Variants in MAGI2 observed in about 807,000 individuals in gnomAD.
MAGI2 encodes membrane associated guanylate kinase, WW and PDZ domain containing 2.
MAGI2 carries 35 observed loss-of-function variants against 133.3 expected under a neutral mutation model. That is an observed-to-expected ratio of 0.26 (90% CI 0.20 to 0.35). The LOEUF (loss-of-function observed/expected upper bound fraction) is 0.35, where lower values mean the gene tolerates loss of function less well. Among genes scored for constraint, MAGI2 ranks in the 10% least tolerant of loss-of-function variants. The probability of loss-of-function intolerance (pLI) is 1.00; values close to 1 mark genes in which losing one functional copy is unlikely to be tolerated. For synonymous variants in MAGI2, 729 were observed against 710.6 expected (o/e 1.03, Z -0.41); for missense variants, 1,636 against 1,863.4 (o/e 0.88, Z 2.25).
intron 1 of MAGI2, among the ~76,000 whole-genome samples, chr7:79,157,665 C>T (rs957126043): frequency 2.6e-5 from 4 of 151,856 alleles, no homozygotes; most frequent in African/African-American, 9.7e-5. Flanking sequence ...ATCTCCTTGC[C>T]AGAGTTTGTA....
intron 1 of MAGI2, among the ~76,000 whole-genome samples, chr7:79,011,724 T>TA (rs757530459): frequency 1.3e-5 from 2 of 152,204 alleles, no homozygotes; most frequent in Non-Finnish European, 2.9e-5. Context: ...ACTACTCTAA[T>TA]GTTCTAATCA....
chr7:78,169,137 AT>A (rs1343351414), intron 14 of MAGI2, among the ~76,000 whole-genome samples: 2 of 152,238 alleles, frequency 1.3e-5, no homozygotes, highest in African/African-American at 4.8e-5. Flanking sequence ...AAGTTTTCCC[AT>A]GTCCCATTAG....
intron 3 of MAGI2, among the ~76,000 whole-genome samples, chr7:78,573,820 C>G (rs1801988611): frequency 6.6e-6 from 1 of 151,936 alleles, no homozygotes; most frequent in Non-Finnish European, 1.5e-5. Context: ...TGCCAAGTAC[C>G]CGGAGCTATT....
intron 2 of MAGI2, among the ~76,000 whole-genome samples, chr7:78,972,713 C>A (rs1048245609): frequency 7.9e-5 from 12 of 151,720 alleles, no homozygotes; most frequent in East Asian, 3.9e-4. Flanking sequence ...TTATAAAAAA[C>A]CAAGTAAAGT....
intron 1 of MAGI2, among the ~76,000 whole-genome samples, chr7:79,093,525 T>C (rs1359069765): frequency 2.0e-5 from 3 of 152,134 alleles, no homozygotes; most frequent in Admixed American, 6.5e-5. Context: ...GTACTTACTT[T>C]AATTAGAAAT....
At chr7:79,020,825 TG>T (rs996096032) in intron 1 of MAGI2, among the ~76,000 whole-genome samples, 1 of 148,352 alleles carries the variant, frequency 6.7e-6, no homozygotes, top group Non-Finnish European at 1.5e-5. Context: ...GCCAAGACAA[TG>T]GGGAAAAATG....
chr7:79,196,674 C>T (rs781464269), intron 1 of MAGI2, among the ~76,000 whole-genome samples: 22 of 151,870 alleles, frequency 1.4e-4, no homozygotes, highest in Non-Finnish European at 2.4e-4. Flanking sequence ...AAAGCTTTTG[C>T]CTTTTCTTTC....
chr7:79,263,112 T>C lies in MAGI2; in HGVS notation c.301+189908A>G, dbSNP rs143743144. ...TTACATTTTATGTAAAATATACTCA[T>C]TGACATAAAAACAACAATAATAACC... is the stretch of plus-strand genomic sequence containing the variant. On this transcript the variant is annotated intron_variant, in intron 1 of 21. Coordinates refer to ENST00000354212, the MANE Select transcript of MAGI2 (RefSeq NM_012301.4). Among the ~76,000 whole-genome samples, 61 of 152,260 alleles carry C rather than the reference T, an allele frequency of 4.0e-4. No individual in the cohort carries two copies. In the East Asian group the frequency reaches 0.011, roughly 28 times the overall value.
intron 1 of MAGI2, among the ~76,000 whole-genome samples, chr7:79,170,467 C>T (rs563239526): frequency 3.3e-5 from 5 of 151,934 alleles, no homozygotes; most frequent in East Asian, 1.9e-4. Context: ...TGTGCCACTG[C>T]GCCCAGCCAA....
intron 2 of MAGI2, among the ~76,000 whole-genome samples, chr7:78,659,039 A>T (rs1812621355): frequency 6.6e-6 from 1 of 152,230 alleles, no homozygotes; most frequent in Admixed American, 6.5e-5. Flanking sequence ...TATTTGTAAT[A>T]ACCCCAAACT....
At chr7:79,171,766 A>ATTT (rs1259287214) in intron 1 of MAGI2, among the ~76,000 whole-genome samples, 3 of 23,268 alleles carry the variant, frequency 1.3e-4, no homozygotes, top group Admixed American at 4.4e-4. Context: ...ATATATATAT[A>ATTT]TATATTTTTT....
In MAGI2 at chr7:79,449,802, C is replaced by A. The variant is rs559872148; in HGVS notation, c.301+3218G>T. ...AAAGCTTAAATTAAAAAGATAATTCCTTGAATTTCATTAAACAGTTTTAAA... is the reference window on the plus strand; with the variant it reads ...AAAGCTTAAATTAAAAAGATAATTCATTGAATTTCATTAAACAGTTTTAAA... On this transcript the variant is annotated intron_variant, in intron 1 of 21. Coordinates refer to ENST00000354212, the MANE Select transcript of MAGI2 (RefSeq NM_012301.4). 7.5e-4 allele frequency among the ~76,000 whole-genome samples: 113 copies of A among 150,230 alleles called. 1 individual carries two copies. Among genetic ancestry groups the A allele is most frequent in the South Asian group, 4.4e-3 (21 of 4,790 alleles).
At chr7:78,069,980 A>C (rs999885273) in intron 21 of MAGI2, among the ~76,000 whole-genome samples, 2 of 151,582 alleles carry the variant, frequency 1.3e-5, no homozygotes, top group Non-Finnish European at 2.9e-5. Flanking sequence ...TTTGGGAAAA[A>C]TACCTCTTTA....
intron 3 of MAGI2, among the ~76,000 whole-genome samples, chr7:78,609,005 A>G (rs1806135813): frequency 6.6e-6 from 1 of 152,196 alleles, no homozygotes; most frequent in Admixed American, 6.5e-5. Flanking sequence ...AAACTGAAGA[A>G]CTTGGAGTCC....
chr7:78,213,909 C>T (rs1466419001), intron 10 of MAGI2, among the ~76,000 whole-genome samples: 1 of 152,188 alleles, frequency 6.6e-6, no homozygotes, highest in African/African-American at 2.4e-5. Context: ...GCATACTACT[C>T]CCCCAACCTC....
At chr7:79,170,213 A>G (rs1457640388) in intron 1 of MAGI2, among the ~76,000 whole-genome samples, 1 of 119,766 alleles carries the variant, frequency 8.3e-6, no homozygotes, top group African/African-American at 3.2e-5. Context: ...TAGTGGCATG[A>G]TCATAGCTCA....
chr7:78,293,994 G>A (rs1030173517), intron 9 of MAGI2, among the ~76,000 whole-genome samples: 1 of 151,972 alleles, frequency 6.6e-6, no homozygotes, highest in Admixed American at 6.6e-5. Context: ...GAGTTAATAG[G>A]TCCAGCACAC....
chr7:78,173,976 A>G (rs1421764842), intron 14 of MAGI2, among the ~76,000 whole-genome samples: 1 of 152,186 alleles, frequency 6.6e-6, no homozygotes, highest in Non-Finnish European at 1.5e-5. Flanking sequence ...AACAATTGTA[A>G]AATACTGGGG....
chr7:78,773,551 G>A (rs1049711204), intron 2 of MAGI2, among the ~76,000 whole-genome samples: 1 of 152,158 alleles, frequency 6.6e-6, no homozygotes, highest in Non-Finnish European at 1.5e-5. Context: ...AGAAAACAGA[G>A]TGTTTTTCAG....
Sources: allele counts gnomAD v4.1 joint callset (sites outside exome capture counted in the v4.1 genomes callset), GRCh38; gene constraint gnomAD v4.1.1; transcripts MANE v1.5; gene names NCBI Gene and HGNC (gene_info 2026-07-23, HGNC 2026-07-21).